Variants in RCVRN observed in about 807,000 individuals in gnomAD.
The protein encoded by RCVRN is cancer associated retinopathy antigen.
RCVRN carries 23 observed loss-of-function variants against 20.4 expected under a neutral mutation model. That is an observed-to-expected ratio of 1.13 (90% confidence interval 0.81 to 1.60). The LOEUF (loss-of-function observed/expected upper bound fraction) is 1.60. Ranked by LOEUF, RCVRN falls within the 40% of genes most tolerant of loss-of-function variation. The probability of loss-of-function intolerance (pLI) is 0.00; values close to 1 mark genes in which losing one functional copy is unlikely to be tolerated. For missense variants in RCVRN, 254 were observed against 254.2 expected (o/e 1.00, Z 0.00); for synonymous variants, 105 against 105.9 (o/e 0.99, Z 0.05).
Position 9,905,165 on chromosome 17 carries a change from T to G in RCVRN, c.16A>C (p.Ser6Arg). 6.2e-7 allele frequency: 1 copy of G among 1,609,460 alleles called. No individual in the cohort carries two copies. The change falls in exon 1 of 3, where the codon AGT (serine) becomes CGT (arginine). Residue 6 changes from serine to arginine, a missense_variant. By Grantham distance (110) the Ser-to-Arg change is moderately radical. Coordinates refer to ENST00000226193, the MANE Select transcript of RCVRN (RefSeq NM_002903.3). MGNSK[S>R]GALSKEILEE... is the part of the protein sequence containing the mutation. ...AGGATCTCCTTGGACAGGGCCCCAC[T>G]TTTGCTGTTCCCCATGAGTGAGGAA...
rs764058009 is a variant in RCVRN, at chr17:9,899,417, G to A, written c.494-1213C>T. ...CTCCAGATGGGCCGCGTGGAAACACGTACAACACATCACGAACAGGAGTAA... is the reference window on the plus strand; with the variant it reads ...CTCCAGATGGGCCGCGTGGAAACACATACAACACATCACGAACAGGAGTAA... On this transcript the variant is annotated intron_variant, in intron 2 of 2. Coordinates refer to ENST00000226193, the MANE Select transcript of RCVRN (RefSeq NM_002903.3). The surrounding 1 kb of genome is among the most constrained non-coding windows in gnomAD (Gnocchi z 4.6). Among the ~76,000 whole-genome samples the A allele has an allele frequency of 1.1e-4, 17 of 152,172 alleles. No individual in the cohort carries two copies. The highest frequency in any genetic ancestry group is 2.1e-4 in the Non-Finnish European group (14 of 68,046).
intron 1 of RCVRN, 168 bp from the exon 2 acceptor site, chr17:9,901,268 C>T (rs1472549125): frequency 1.1e-5 from 5 of 438,032 alleles, no homozygotes; most frequent in Admixed American, 3.9e-5. Flanking sequence ...AGGGGAAAAG[C>T]TTCTTGGCAC....
chr17:9,902,924 G>A (rs2067347894), intron 1 of RCVRN, among the ~76,000 whole-genome samples: 1 of 152,176 alleles, frequency 6.6e-6, no homozygotes, highest in South Asian at 2.1e-4. Context: ...AGGAGGGGGA[G>A]GTTGCAGTGA....
In RCVRN at chr17:9,904,011, C is replaced by A. The variant is rs1436512931; in HGVS notation, c.381+789G>T. On this transcript the variant is annotated intron_variant, in intron 1 of 2. Transcript: ENST00000226193. The surrounding 1 kb of genome is among the most constrained non-coding windows in gnomAD (Gnocchi z 5.8). ...ATCCCAGCACTTTGGGAGGCTGAGG[C>A]TGGCGGATCGCTGGAGGTCGGGAGT... 6.6e-6 allele frequency among the ~76,000 whole-genome samples: 1 copy of A among 152,188 alleles called. No individual in the cohort carries two copies. Among genetic ancestry groups the A allele is most frequent in the Non-Finnish European group, 1.5e-5 (1 of 68,028 alleles).
At position 9,905,106 on chromosome 17, in the gene RCVRN, C is replaced by T. The variant is rs1351415411; in HGVS notation, c.75G>A (p.Glu25=). The T allele has an allele frequency of 4.3e-6, 7 of 1,609,890 alleles. No individual in the cohort carries two copies. The highest frequency in any genetic ancestry group is 5.9e-6 in the Non-Finnish European group (7 of 1,178,144). Residue 25 remains glutamate, a synonymous_variant, in exon 1 of 3, where the codon GAG becomes GAA. Transcript: ENST00000226193. ...EELQLNTKFS[E]EELCSWYQSF... The stretch of plus-strand genomic sequence containing the variant: ...ACTGGTACCAGGAGCACAGCTCCTC[C>T]TCCGAGAACTTGGTGTTCAGCTGCA...
intron 2 of RCVRN, among the ~76,000 whole-genome samples, chr17:9,898,712 C>T (rs2067329425): frequency 1.3e-5 from 2 of 152,124 alleles, no homozygotes; most frequent in Admixed American, 6.5e-5. Context: ...AAGTGAAGGG[C>T]CCAATGAGAT....
intron 2 of RCVRN, among the ~76,000 whole-genome samples, chr17:9,900,415 G>A (rs561373697): frequency 1.1e-4 from 15 of 140,576 alleles, no homozygotes; most frequent in Admixed American, 6.1e-4. Context: ...ACACCCCATC[G>A]ACTCTGTCAA....
Position 9,904,889 on chromosome 17 carries a change from T to G in RCVRN, c.292A>C (p.Thr98Pro). ...IALHMTTAGK[T>P]NQKLEWAFSL... ...AAGGCCCACTCCAGCTTCTGGTTGG[T>G]CTTGCCCGCGGTGGTCATGTGCAGG... Residue 98 changes from threonine to proline, a missense_variant, in exon 1 of 3, where the codon ACC (threonine) becomes CCC (proline). Coordinates refer to ENST00000226193, the MANE Select transcript of RCVRN (RefSeq NM_002903.3). The surrounding 1 kb of genome is among the most constrained non-coding windows in gnomAD (Gnocchi z 5.8). The G allele has an allele frequency of 6.2e-7, 1 of 1,614,206 alleles. No individual in the cohort carries two copies. The highest frequency in any genetic ancestry group is 8.5e-7 in the Non-Finnish European group (1 of 1,180,028).
chr17:9,901,176 C>T (rs6503264), intron 1 of RCVRN, 76 bp from the exon 2 acceptor site: 97,957 of 715,660 alleles, frequency 0.14, 6,627 homozygotes, highest in Admixed American at 0.18. Context: ...CCACATCTTA[C>T]ACTGTACACA....
rs1327645438 is a variant in RCVRN, at chr17:9,899,182, A to G, written c.494-978T>C. 1.3e-5 allele frequency among the ~76,000 whole-genome samples: 2 copies of G among 152,176 alleles called. No homozygotes were observed. Among genetic ancestry groups the G allele is most frequent in the Non-Finnish European group, 2.9e-5 (2 of 68,008 alleles). On this transcript the variant is annotated intron_variant, in intron 2 of 2. Coordinates refer to ENST00000226193, the MANE Select transcript of RCVRN (RefSeq NM_002903.3). This position sits in a 1 kb window ranked among gnomAD's most constrained non-coding sequence, Gnocchi z 4.6. Reference sequence around the variant, plus strand: ...GTGCCTAGCACAGAGTCGGTGCTCAACAAAGCTTTGCTGAACTGAATGTGA... The same window carrying G: ...GTGCCTAGCACAGAGTCGGTGCTCAGCAAAGCTTTGCTGAACTGAATGTGA...
chr17:9,901,262 G>A, intron 1 of RCVRN, 162 bp from the exon 2 acceptor site: 2 of 442,182 alleles, frequency 4.5e-6, no homozygotes, highest in Non-Finnish European at 4.0e-6. Flanking sequence ...AAACGTAGGG[G>A]AAAAGCTTCT....
rs751977549 is a variant in RCVRN, at chr17:9,905,190, A to G, written c.-10T>C. On this transcript the variant is annotated 5_prime_UTR_variant, in exon 1 of 3. Transcript: ENST00000226193. ...TTTTGCTGTTCCCCATGAGTGAGGA[A>G]GAGTGGGCAGCGGCTGGGGAGTCGC... 4 of 1,594,216 alleles carry G rather than the reference A, an allele frequency of 2.5e-6. No homozygotes were observed. Among genetic ancestry groups the G allele is most frequent in the Non-Finnish European group, 2.6e-6 (3 of 1,169,308 alleles).
chr17:9,900,264 G>A (rs944713034), intron 2 of RCVRN, among the ~76,000 whole-genome samples: 3 of 152,102 alleles, frequency 2.0e-5, no homozygotes, highest in Non-Finnish European at 4.4e-5. Flanking sequence ...TGTGCTGGCC[G>A]TAAGCATCAC....
At position 9,904,860 on chromosome 17, in the gene RCVRN, G is replaced by A. The variant is rs765065405; in HGVS notation, c.321C>T (p.Ser107=). The A allele has an allele frequency of 2.5e-6, 4 of 1,614,220 alleles. No individual in the cohort carries two copies. The highest frequency in any genetic ancestry group is 1.1e-5 in the South Asian group (1 of 91,072). ...TCCCGTTACCGTCCACGTCGTAGAG[G>A]GAGAAGGCCCACTCCAGCTTCTGGT... is the stretch of plus-strand genomic sequence containing the variant. ...KTNQKLEWAF[S]LYDVDGNGTI... The change falls in exon 1 of 3, where the codon TCC becomes TCT. Residue 107 remains serine (S), a synonymous_variant. Transcript: ENST00000226193. This position sits in a 1 kb window ranked among gnomAD's most constrained non-coding sequence, Gnocchi z 5.8.
rs1037575657 is a variant in RCVRN, at chr17:9,899,737, T to C, written c.493+1252A>G. Reference sequence around the variant, plus strand: ...AGGAGGCGCTCACTTTCAGGTCCTGTGAGTGCATTGTTGACCCCTGAGAAC... The same window carrying C: ...AGGAGGCGCTCACTTTCAGGTCCTGCGAGTGCATTGTTGACCCCTGAGAAC... On this transcript the variant is annotated intron_variant, in intron 2 of 2. Transcript: ENST00000226193. The surrounding 1 kb of genome is among the most constrained non-coding windows in gnomAD (Gnocchi z 4.6). 6.6e-6 allele frequency among the ~76,000 whole-genome samples: 1 copy of C among 152,180 alleles called. No homozygotes were observed. Among genetic ancestry groups the C allele is most frequent in the African/African-American group, 2.4e-5 (1 of 41,436 alleles).
chr17:9,904,691 C>A lies in RCVRN; in HGVS notation c.381+109G>T. 3.9e-6 allele frequency: 5 copies of A among 1,293,158 alleles called. No individual in the cohort carries two copies. The highest frequency in any genetic ancestry group is 2.0e-5 in the Admixed American group (1 of 49,052). 80.1% of individuals were successfully genotyped at this position (1,293,158 alleles called of 1,614,324 possible). ...CGCTCTCAGAGCCAGTGGCCCGCAT[C>A]CCCCGCTCCACCCACAGATCCACTC... On this transcript the variant is annotated intron_variant, in intron 1 of 2. Coordinates refer to ENST00000226193, the MANE Select transcript of RCVRN (RefSeq NM_002903.3). This position sits in a 1 kb window ranked among gnomAD's most constrained non-coding sequence, Gnocchi z 5.8.
Position 9,897,986 on chromosome 17 carries a change from G to A in RCVRN, c.*109C>T. The A allele has an allele frequency of 1.4e-6, 1 of 700,214 alleles. No homozygotes were observed. The highest frequency in any genetic ancestry group is 2.6e-6 in the Non-Finnish European group (1 of 385,368). The allele number at this position is 700,214 out of a possible 1,614,324, so 43.4% of individuals were successfully genotyped here. ...TTTCTCTTGGCCCTGGGGTGGATGT[G>A]TGTGTGTGTGTGTGCGCGCGCGTGT... On this transcript the variant is annotated 3_prime_UTR_variant, in exon 3 of 3. Transcript: ENST00000226193.
intron 2 of RCVRN, among the ~76,000 whole-genome samples, chr17:9,898,605 C>T (rs1372552339): frequency 6.6e-6 from 1 of 152,218 alleles, no homozygotes; most frequent in Non-Finnish European, 1.5e-5. Flanking sequence ...TCAGGAGGAG[C>T]TTCTGGGGGT....
Position 9,896,737 on chromosome 17 carries a change from A to T in RCVRN, c.*1358T>A, listed in dbSNP as rs1290454561. 1.3e-5 allele frequency: 2 copies of T among 152,250 alleles called. No homozygotes were observed. The highest frequency in any genetic ancestry group is 2.9e-5 in the Non-Finnish European group (2 of 68,062). The allele number at this position is 152,250 out of a possible 1,614,324, so 9.4% of individuals were successfully genotyped here. A position where few individuals can be genotyped will look rare whatever the true frequency, so the allele number is the denominator to read the frequency against. ...ATTGGGACTCCTTTTCCTTGTCTCTAAAACAAGGGGCTTTAGGGCCATCTA... is the reference window on the plus strand; with the variant it reads ...ATTGGGACTCCTTTTCCTTGTCTCTTAAACAAGGGGCTTTAGGGCCATCTA... On this transcript the variant is annotated 3_prime_UTR_variant, in exon 3 of 3. Transcript: ENST00000226193.
Sources: gnomAD v4.1 joint callset for allele counts (sites outside exome capture counted in the v4.1 genomes callset) on GRCh38, gnomAD v4.1.1 for gene constraint, Gnocchi (gnomAD v3.1) non-coding constraint, MANE v1.5 for transcripts, NCBI Gene and HGNC (gene_info 2026-07-23, HGNC 2026-07-21) for gene names.